The following IL1RAPL1 variants were observed in gnomAD, a reference collection of about 807,000 sequenced individuals.
IL1RAPL1 encodes the protein interleukin-1 receptor accessory protein-like 1.
Under a neutral mutation model 48.4 loss-of-function variants are expected in IL1RAPL1, and 3 were observed. The ratio of observed to expected loss-of-function variants is 0.06; its 90% CI spans 0.03 to 0.16. The LOEUF (loss-of-function observed/expected upper bound fraction) is 0.16, where lower values mean the gene tolerates loss of function less well. IL1RAPL1 is among the 10% of genes least tolerant of loss of function. IL1RAPL1 has a pLI of 1.00. For synonymous variants in IL1RAPL1, 185 were observed against 187.7 expected, an observed-to-expected ratio of 0.99 and a Z score of 0.12; for missense variants, 349 against 530.6, an observed-to-expected ratio of 0.66 and a Z score of 3.36.
chrX:29,493,245 C>G (rs1935177745), intron 5 of IL1RAPL1, among the ~76,000 whole-genome samples: 1 of 111,853 alleles, frequency 8.9e-6, no homozygotes, highest in Admixed American at 9.5e-5. Flanking sequence ...AAAGTTTTGT[C>G]TGGTGAGAAC....
At chrX:28,819,202 G>T (rs1000615825) in intron 2 of IL1RAPL1, among the ~76,000 whole-genome samples, 1 of 110,803 alleles carries the variant, frequency 9.0e-6, no homozygotes, top group African/African-American at 3.3e-5. Context: ...AAGAAGTATA[G>T]ATGTGTCTGA....
chrX:29,639,814 T>C (rs1231296458), intron 5 of IL1RAPL1, among the ~76,000 whole-genome samples: 2 of 111,730 alleles, frequency 1.8e-5, no homozygotes, highest in Non-Finnish European at 3.8e-5. Flanking sequence ...AAAAATCAAA[T>C]ACCTTATACC....
At chrX:29,256,441 G>A (rs997437322) in intron 2 of IL1RAPL1, among the ~76,000 whole-genome samples, 3 of 111,340 alleles carry the variant, frequency 2.7e-5, no homozygotes, top group Admixed American at 1.9e-4. Context: ...GAGCTTCCTA[G>A]CAGGGAATAT....
intron 6 of IL1RAPL1, among the ~76,000 whole-genome samples, chrX:29,830,325 G>A (rs1267958053): frequency 9.0e-6 from 1 of 111,114 alleles, no homozygotes; most frequent in Admixed American, 9.5e-5. Flanking sequence ...GAGCATATAT[G>A]AATTTTCATA....
At chrX:29,161,868 A>G (rs1322189319) in intron 2 of IL1RAPL1, among the ~76,000 whole-genome samples, 2 of 112,278 alleles carry the variant, frequency 1.8e-5, no homozygotes. Flanking sequence ...TATATACCCA[A>G]AGGATTATAA....
At chrX:29,717,764 A>G (rs1451094546) in intron 6 of IL1RAPL1, among the ~76,000 whole-genome samples, 1 of 112,195 alleles carries the variant, frequency 8.9e-6, no homozygotes, top group Non-Finnish European at 1.9e-5. Flanking sequence ...TAAAATATTT[A>G]CTATCTAGCC....
chrX:29,185,100 C>A (rs934434467), intron 2 of IL1RAPL1, among the ~76,000 whole-genome samples: 6 of 111,846 alleles, frequency 5.4e-5, no homozygotes, highest in African/African-American at 1.9e-4. Context: ...TCAGTAACAC[C>A]TTCTAAATGA....
chrX:29,265,438 A>C (rs1163868326), intron 2 of IL1RAPL1, among the ~76,000 whole-genome samples: 2 of 110,270 alleles, frequency 1.8e-5, no homozygotes, highest in African/African-American at 6.6e-5. Context: ...AAAAAGATAA[A>C]AGATAAATCA....
chrX:29,538,628 G>A (rs948128372), intron 5 of IL1RAPL1, among the ~76,000 whole-genome samples: 1 of 86,189 alleles, frequency 1.2e-5, no homozygotes, highest in Non-Finnish European at 2.2e-5. Context: ...ATAAGCCACT[G>A]CTCCTGGCCA....
chrX:29,835,575 A>C (rs1157036154), intron 6 of IL1RAPL1, among the ~76,000 whole-genome samples: 1 of 112,089 alleles, frequency 8.9e-6, no homozygotes, highest in Admixed American at 9.5e-5. Flanking sequence ...ATAGCTTGAG[A>C]CAAATTAGTA....
At chrX:29,026,323 A>G (rs1438003198) in intron 2 of IL1RAPL1, among the ~76,000 whole-genome samples, 1 of 112,457 alleles carries the variant, frequency 8.9e-6, no homozygotes, top group Non-Finnish European at 1.9e-5. Context: ...AAAGCCATTA[A>G]TCCAAAGCAA....
intron 6 of IL1RAPL1, among the ~76,000 whole-genome samples, chrX:29,853,666 C>CTTGA (rs745910567): frequency 7.7e-4 from 86 of 111,792 alleles, no homozygotes; most frequent in Middle Eastern, 4.6e-3. Flanking sequence ...TTAGAAGCAA[C>CTTGA]TTGATTATAA....
chrX:29,224,320 T>C (rs1302828306), intron 2 of IL1RAPL1, among the ~76,000 whole-genome samples: 1 of 111,123 alleles, frequency 9.0e-6, no homozygotes, highest in Non-Finnish European at 1.9e-5. Context: ...GACTACCGGC[T>C]CCAAGCATTT....
intron 5 of IL1RAPL1, among the ~76,000 whole-genome samples, chrX:29,617,962 A>G (rs1924338968): frequency 8.9e-6 from 1 of 111,738 alleles, no homozygotes; most frequent in Non-Finnish European, 1.9e-5. Context: ...GATTATGCAA[A>G]TTACATAAAG....
At chrX:28,708,285 G>C (rs1478450728) in intron 1 of IL1RAPL1, among the ~76,000 whole-genome samples, 2 of 111,334 alleles carry the variant, frequency 1.8e-5, no homozygotes, top group Non-Finnish European at 3.8e-5. Context: ...TTTAGTTACA[G>C]GACATGCCTT....
At chrX:29,841,469 G>T (rs1217184225) in intron 6 of IL1RAPL1, among the ~76,000 whole-genome samples, 1 of 110,758 alleles carries the variant, frequency 9.0e-6, no homozygotes, top group Non-Finnish European at 1.9e-5. Context: ...CAAAATTCGG[G>T]GTTTTGGCTA....
intron 1 of IL1RAPL1, among the ~76,000 whole-genome samples, chrX:28,688,353 T>A (rs1305941436): frequency 9.2e-6 from 1 of 108,891 alleles, no homozygotes; most frequent in Non-Finnish European, 1.9e-5. Flanking sequence ...GGACTACAGG[T>A]GTGCACCACC....
At chrX:29,161,820 C>G (rs1389312472) in intron 2 of IL1RAPL1, among the ~76,000 whole-genome samples, 1 of 111,792 alleles carries the variant, frequency 8.9e-6, no homozygotes, top group Non-Finnish European at 1.9e-5. Flanking sequence ...GGATCTAGAA[C>G]CAGAAATACC....
rs893193117 is a variant in IL1RAPL1, at chrX:28,655,647, G to A, written c.-25+67600G>A. ...ATAAAATTTCTAATGGGAACTGACA[G>A]ATCGACAAAAGGCTAACATAATATT... On this transcript the variant is annotated intron_variant, in intron 1 of 10. Transcript: ENST00000378993. Among the ~76,000 whole-genome samples the A allele has an allele frequency of 4.0e-4, 45 of 111,929 alleles. 2 individuals are homozygous for A. Among genetic ancestry groups the A allele is most frequent in the Non-Finnish European group, 2.8e-4 (15 of 53,209 alleles).
Sources: gnomAD v4.1 joint callset for allele counts (sites outside exome capture counted in the v4.1 genomes callset) on GRCh38, gnomAD v4.1.1 for gene constraint, MANE v1.5 for transcripts, NCBI Gene and HGNC (gene_info 2026-07-23, HGNC 2026-07-21) for gene names.